Variants in NDST3 observed in about 807,000 individuals in gnomAD.
The protein encoded by NDST3 is N-deacetylase and N-sulfotransferase 3.
Under a neutral mutation model 96.1 loss-of-function variants are expected in NDST3, and 58 were observed. That is an observed-to-expected ratio of 0.60 (90% confidence interval 0.49 to 0.75). NDST3 has a LOEUF of 0.75. Ranked by LOEUF, NDST3 falls within the 30% of genes least tolerant of loss-of-function variation. The pLI, the probability that NDST3 is intolerant of heterozygous loss-of-function variation, is 0.00. For synonymous variants in NDST3, 333 were observed against 359.7 expected (o/e 0.93, Z 0.84); for missense variants, 788 against 1,034.2 (o/e 0.76, Z 3.27).
At position 118,110,630 on chromosome 4, in the gene NDST3, G is replaced by T. The variant is rs77285988; in HGVS notation, c.1070-4176G>T. On this transcript the variant is annotated intron_variant, in intron 3 of 13. Transcript: ENST00000296499. ...AATACTACAGATAAAATAGTGTAGA[G>T]AAGTTATTTAAATAAATATATTAAA... Among the ~76,000 whole-genome samples, 50 of 152,188 alleles carry T rather than the reference G, an allele frequency of 3.3e-4. No individual in the cohort carries two copies. In the East Asian group the frequency reaches 8.9e-3, roughly 27 times the overall value.
intron 1 of NDST3, among the ~76,000 whole-genome samples, chr4:118,047,661 GAC>G (rs1471268615): frequency 2.9e-4 from 44 of 152,330 alleles, no homozygotes; most frequent in African/African-American, 1.0e-3. Context: ...AGAGCTTGAA[GAC>G]TGGCTCTTCG....
chr4:118,193,186 C>T (rs2125967905), intron 6 of NDST3, among the ~76,000 whole-genome samples: 1 of 152,202 alleles, frequency 6.6e-6, no homozygotes, highest in Admixed American at 6.5e-5. Flanking sequence ...TGTTCATGTG[C>T]AATGGGGGAA....
chr4:118,078,479 C>T lies in NDST3; in HGVS notation c.981+23588C>T, dbSNP rs570410352. 5.3e-5 allele frequency among the ~76,000 whole-genome samples: 8 copies of T among 152,218 alleles called. No homozygotes were observed. In the East Asian group the frequency reaches 1.4e-3, roughly 26 times the overall value. ...GAGAGTTAAGATCAGTGGCCGGGCA[C>T]GGTGGCTCACACCTGTAATCTCAGC... On this transcript the variant is annotated intron_variant, in intron 2 of 13. Transcript: ENST00000296499.
At chr4:118,034,187 GC>G (rs1373779391), upstream of NDST3, among the ~76,000 whole-genome samples, 2 of 152,178 alleles carry the variant, frequency 1.3e-5, no homozygotes, top group Non-Finnish European at 2.9e-5. Context: ...GTGGTTATTT[GC>G]TTGCTCATAT....
intron 1 of NDST3, among the ~76,000 whole-genome samples, chr4:118,044,027 T>G (rs1456056915): frequency 6.6e-6 from 1 of 152,204 alleles, no homozygotes; most frequent in Non-Finnish European, 1.5e-5. Context: ...ATTCCTAATA[T>G]CTGTCCTAAA....
intron 2 of NDST3, among the ~76,000 whole-genome samples, chr4:118,104,171 A>T (rs2125849227): frequency 6.6e-6 from 1 of 152,286 alleles, no homozygotes; most frequent in African/African-American, 2.4e-5. Context: ...CCTAATTTGG[A>T]TCTATATCCG....
chr4:118,088,762 A>C (rs1186449635), intron 2 of NDST3, among the ~76,000 whole-genome samples: 2 of 152,160 alleles, frequency 1.3e-5, no homozygotes, highest in Non-Finnish European at 1.5e-5. Context: ...CCATATTTTC[A>C]AACAGAAAAA....
At chr4:118,141,011 C>A (rs892876549) in intron 5 of NDST3, among the ~76,000 whole-genome samples, 1 of 152,138 alleles carries the variant, frequency 6.6e-6, no homozygotes, top group African/African-American at 2.4e-5. Context: ...CTCATTAATC[C>A]TGCTGTAAAC....
intron 6 of NDST3, among the ~76,000 whole-genome samples, chr4:118,180,961 C>G (rs906104905): frequency 6.6e-6 from 1 of 152,144 alleles, no homozygotes; most frequent in Non-Finnish European, 1.5e-5. Flanking sequence ...AACTACAGCT[C>G]TTGCCAATGA....
chr4:118,077,360 T>C (rs1033485547), intron 2 of NDST3, among the ~76,000 whole-genome samples: 42 of 152,198 alleles, frequency 2.8e-4, no homozygotes, highest in African/African-American at 8.7e-4. Context: ...AGATAGAACA[T>C]ACTGGCAAAA....
chr4:118,190,189 G>C (rs1042444453), intron 6 of NDST3, among the ~76,000 whole-genome samples: 7 of 151,674 alleles, frequency 4.6e-5, no homozygotes, highest in African/African-American at 1.2e-4. Context: ...AATTTATAGT[G>C]AAAACTCTGA....
intron 12 of NDST3, among the ~76,000 whole-genome samples, chr4:118,251,105 TTTA>T (rs1741683760): frequency 7.0e-6 from 1 of 143,768 alleles, no homozygotes; most frequent in Non-Finnish European, 1.5e-5. Context: ...TATTTATTTA[TTTA>T]TTTATTTATT....
At chr4:118,139,451 G>A (rs1285612627) in intron 5 of NDST3, among the ~76,000 whole-genome samples, 2 of 152,156 alleles carry the variant, frequency 1.3e-5, no homozygotes, top group Non-Finnish European at 2.9e-5. Flanking sequence ...TGGGCTCTTG[G>A]ATGAGAGTTT....
chr4:118,224,913 A>G (rs1739779426), intron 7 of NDST3, among the ~76,000 whole-genome samples: 1 of 152,196 alleles, frequency 6.6e-6, no homozygotes, highest in Non-Finnish European at 1.5e-5. Flanking sequence ...GACAGATTCA[A>G]TGAATATAAC....
At chr4:118,072,791 T>C (rs529709097) in intron 2 of NDST3, among the ~76,000 whole-genome samples, 21 of 152,264 alleles carry the variant, frequency 1.4e-4, no homozygotes, top group African/African-American at 5.1e-4. Context: ...ACAGTGGGCA[T>C]CCTTGTTTTG....
intron 8 of NDST3, among the ~76,000 whole-genome samples, chr4:118,232,596 C>T (rs1471408478): frequency 6.6e-6 from 1 of 150,402 alleles, no homozygotes; most frequent in Non-Finnish European, 1.5e-5. Flanking sequence ...CATGATTGCA[C>T]CACCACACTC....
intron 6 of NDST3, among the ~76,000 whole-genome samples, chr4:118,220,502 T>C (rs939039065): frequency 2.6e-5 from 4 of 151,908 alleles, no homozygotes; most frequent in Admixed American, 2.0e-4. Flanking sequence ...CTAATGTATA[T>C]GGGGCTTAAA....
intron 2 of NDST3, among the ~76,000 whole-genome samples, chr4:118,073,857 A>C (rs1018651751): frequency 1.3e-5 from 2 of 151,838 alleles, no homozygotes; most frequent in African/African-American, 2.4e-5. Context: ...AGATATTTCT[A>C]ACTTTTTATG....
At chr4:118,238,504 T>A (rs1043015153) in intron 10 of NDST3, among the ~76,000 whole-genome samples, 14 of 152,200 alleles carry the variant, frequency 9.2e-5, no homozygotes, top group African/African-American at 3.4e-4. Flanking sequence ...AAAATTAACA[T>A]AAGAACATAG....
Sources: allele counts gnomAD v4.1 joint callset (sites outside exome capture counted in the v4.1 genomes callset), GRCh38; gene constraint gnomAD v4.1.1; transcripts MANE v1.5; gene names NCBI Gene and HGNC (gene_info 2026-07-23, HGNC 2026-07-21).